HYCC1: variants seen among roughly 807,000 people sequenced by gnomAD.
The protein encoded by HYCC1 is hyccin.
the HYCC1 span, among the ~76,000 whole-genome samples, chr7:22,904,228 G>T: frequency 2.6e-5 from 4 of 151,944 alleles, no homozygotes; most frequent in South Asian, 8.3e-4. Context: ...TCAGGAGATC[G>T]AGACCATCTT....
the HYCC1 span, among the ~76,000 whole-genome samples, chr7:22,990,613 C>T: frequency 0.65 from 98,823 of 152,096 alleles, 32,070 homozygotes; most frequent in Non-Finnish European, 0.66. Flanking sequence ...AATCAAAGGT[C>T]ATACACCCCT....
chr7:22,983,905 G>A, the HYCC1 span: 1 of 1,174,720 alleles, frequency 8.5e-7, no homozygotes, highest in Non-Finnish European at 1.3e-6. Context: ...AATCAATCAA[G>A]TCAATACTGT....
chr7:23,009,414 T>C, the HYCC1 span, among the ~76,000 whole-genome samples: 2 of 152,200 alleles, frequency 1.3e-5, no homozygotes, highest in South Asian at 4.1e-4. Flanking sequence ...AAAAGAATCA[T>C]ACTTTAATTC....
At chr7:22,976,133 AT>A in the HYCC1 span, 1 of 920,316 alleles carries the variant, frequency 1.1e-6, no homozygotes, top group Non-Finnish European at 1.8e-6. Context: ...CAAAACAAAA[AT>A]AACTTAGGTA....
At chr7:22,906,878 A>G in the HYCC1 span, among the ~76,000 whole-genome samples, 1 of 152,040 alleles carries the variant, frequency 6.6e-6, no homozygotes, top group South Asian at 2.1e-4. Context: ...TCTATTAAAA[A>G]TTGAAAAAGA....
the HYCC1 span, chr7:22,976,059 T>C: frequency 1.6e-6 from 1 of 627,748 alleles, no homozygotes; most frequent in South Asian, 1.9e-5. Context: ...ATAGGGAACT[T>C]TCCATGTGTT....
chr7:22,917,709 C>T, the HYCC1 span, among the ~76,000 whole-genome samples: 107 of 152,278 alleles, frequency 7.0e-4, no homozygotes, highest in African/African-American at 1.1e-3. Context: ...TTAGTCAAAT[C>T]GCCCAAGCAG....
chr7:22,989,731 T>C, the HYCC1 span, among the ~76,000 whole-genome samples: 37 of 152,246 alleles, frequency 2.4e-4, no homozygotes, highest in African/African-American at 7.7e-4. Context: ...GGGGAATCCA[T>C]AGAAGGATGC....
chr7:22,940,297 G>A, the HYCC1 span: 2 of 131,060 alleles, frequency 1.5e-5, no homozygotes, highest in Non-Finnish European at 3.1e-5. Context: ...TGTTGCCCAG[G>A]CTGGAGTACA....
At chr7:22,926,017 A>G in the HYCC1 span, among the ~76,000 whole-genome samples, 1 of 152,330 alleles carries the variant, frequency 6.6e-6, no homozygotes, top group African/African-American at 2.4e-5. Flanking sequence ...AAAAGAGTGG[A>G]GGCCAATATT....
chr7:22,913,566 G>T, the HYCC1 span, among the ~76,000 whole-genome samples: 1 of 152,164 alleles, frequency 6.6e-6, no homozygotes, highest in African/African-American at 2.4e-5. Context: ...CGCCTTAACT[G>T]ATGACATTAC....
At chr7:22,956,447 A>G in the HYCC1 span, among the ~76,000 whole-genome samples, 2 of 151,868 alleles carry the variant, frequency 1.3e-5, no homozygotes, top group Admixed American at 6.6e-5. Context: ...TGAAAAACAC[A>G]TTAAGTTAAG....
the HYCC1 span, chr7:22,964,528 G>C: frequency 6.4e-7 from 1 of 1,571,580 alleles, no homozygotes; most frequent in Non-Finnish European, 8.8e-7. Context: ...CACAAACACA[G>C]ATTCTAGAAA....
At chr7:22,932,215 T>C in the HYCC1 span, among the ~76,000 whole-genome samples, 3 of 152,100 alleles carry the variant, frequency 2.0e-5, no homozygotes, top group African/African-American at 4.8e-5. Context: ...ATGAGCTGCA[T>C]AGGAAGCAGA....
the HYCC1 span, among the ~76,000 whole-genome samples, chr7:22,902,459 C>A: frequency 6.6e-6 from 1 of 150,918 alleles, no homozygotes; most frequent in Non-Finnish European, 1.5e-5. Flanking sequence ...TTAACAAAAC[C>A]AAAAGCTAGT....
At chr7:22,930,729 A>G in the HYCC1 span, among the ~76,000 whole-genome samples, 47 of 152,256 alleles carry the variant, frequency 3.1e-4, no homozygotes, top group Admixed American at 5.2e-4. Context: ...ATACTAGCAA[A>G]TCAAATAATC....
chr7:22,991,918 AAGGT>A, the HYCC1 span, among the ~76,000 whole-genome samples: 1 of 152,094 alleles, frequency 6.6e-6, no homozygotes, highest in Non-Finnish European at 1.5e-5. Context: ...TCAGCATTAT[AAGGT>A]AGTAGAAACT....
the HYCC1 span, among the ~76,000 whole-genome samples, chr7:22,949,065 A>C: frequency 3.3e-5 from 5 of 152,066 alleles, no homozygotes; most frequent in Admixed American, 3.3e-4. Context: ...GTCCAAAAAA[A>C]ATCAAACTTC....
the HYCC1 span, chr7:23,013,819 G>C: frequency 4.9e-6 from 2 of 407,380 alleles, no homozygotes; most frequent in South Asian, 3.5e-5. Flanking sequence ...ACAAAGTCCC[G>C]GTCCTGTCCT....
Sources: allele counts gnomAD v4.1 joint callset (sites outside exome capture counted in the v4.1 genomes callset), GRCh38; gene constraint gnomAD v4.1.1; transcripts MANE v1.5; gene names NCBI Gene and HGNC (gene_info 2026-07-23, HGNC 2026-07-21).